CSMD1: variants seen among roughly 807,000 people sequenced by gnomAD.
CSMD1 encodes the protein CUB and sushi domain-containing protein 1.
A neutral mutation model predicts 417.5 loss-of-function variants in CSMD1; 213 were observed. That is an observed-to-expected ratio of 0.51 (90% CI 0.46 to 0.57). The LOEUF (loss-of-function observed/expected upper bound fraction) is 0.57, where lower values mean the gene tolerates loss of function less well. Among genes scored for constraint, CSMD1 ranks in the 20% least tolerant of loss-of-function variants. The probability of loss-of-function intolerance (pLI) is 0.00; values close to 1 mark genes in which losing one functional copy is unlikely to be tolerated. For synonymous variants in CSMD1, 2,862 were observed against 1,736.8 expected, an observed-to-expected ratio of 1.65 and a Z score of -16.11; for missense variants, 6,923 against 4,529.7, an observed-to-expected ratio of 1.53 and a Z score of -15.17.
intron 1 of CSMD1, among the ~76,000 whole-genome samples, chr8:4,835,139 C>T (rs1318660706): frequency 2.0e-5 from 3 of 151,562 alleles, no homozygotes; most frequent in Non-Finnish European, 4.4e-5. Flanking sequence ...AACTCTAGAC[C>T]CAGTGAGCAA....
intron 1 of CSMD1, among the ~76,000 whole-genome samples, chr8:4,867,791 C>T (rs371064937): frequency 5.5e-4 from 84 of 152,132 alleles, no homozygotes; most frequent in South Asian, 2.5e-3. Context: ...TTTGATCCCT[C>T]TAATAAATAC....
intron 44 of CSMD1, among the ~76,000 whole-genome samples, chr8:3,108,193 G>A (rs148458305): frequency 4.4e-4 from 67 of 152,260 alleles, no homozygotes; most frequent in African/African-American, 1.5e-3. Context: ...AGAGATAAGC[G>A]ATTGATTGAC....
At chr8:4,019,991 A>ATTC (rs1796709993) in intron 4 of CSMD1, among the ~76,000 whole-genome samples, 1 of 152,060 alleles carries the variant, frequency 6.6e-6, no homozygotes, top group Non-Finnish European at 1.5e-5. Flanking sequence ...TTTCTTTTCA[A>ATTC]ACTGTTTGCC....
intron 2 of CSMD1, among the ~76,000 whole-genome samples, chr8:4,435,317 A>G (rs888995144): frequency 5.3e-5 from 8 of 152,212 alleles, no homozygotes; most frequent in African/African-American, 1.7e-4. Flanking sequence ...AATGTGACAC[A>G]GGTAAAATGC....
intron 23 of CSMD1, among the ~76,000 whole-genome samples, chr8:3,311,400 CCA>C (rs1432998437): frequency 6.6e-6 from 1 of 152,092 alleles, no homozygotes; most frequent in African/African-American, 2.4e-5. Context: ...TAAGTGCGAG[CCA>C]TCACACCCAG....
intron 9 of CSMD1, among the ~76,000 whole-genome samples, chr8:3,584,246 A>T (rs761364920): frequency 1.3e-5 from 2 of 152,186 alleles, no homozygotes; most frequent in Non-Finnish European, 2.9e-5. Context: ...TGACAAAGCC[A>T]GGCACTCTTT....
intron 5 of CSMD1, among the ~76,000 whole-genome samples, chr8:3,823,258 G>T (rs7840632): frequency 6.6e-6 from 1 of 151,914 alleles, no homozygotes; most frequent in Non-Finnish European, 1.5e-5. Flanking sequence ...GAACTTCAAA[G>T]TAATTCAGTT....
rs573537417 is a variant in CSMD1 at position 3,796,789 on chromosome 8, C to A, written c.819-42747G>T. 6.0e-5 allele frequency among the ~76,000 whole-genome samples: 9 copies of A among 151,228 alleles called. No individual in the cohort carries two copies. The South Asian group carries it at 1.2e-3, about 21-fold the overall frequency. ...TTCTGATCATCATATTCTTGAAATT[C>A]CATTCACTTCATTTTCATGGTATCA... On this transcript the variant is annotated intron_variant, in intron 5 of 69. Coordinates refer to ENST00000635120, the MANE Select transcript of CSMD1 (RefSeq NM_033225.6).
intron 2 of CSMD1, among the ~76,000 whole-genome samples, chr8:4,582,660 A>G (rs563148528): frequency 2.0e-3 from 299 of 152,318 alleles, no homozygotes; most frequent in Non-Finnish European, 3.4e-3. Context: ...AGGTGACAGC[A>G]GGCTGGCAGT....
At chr8:4,971,187 G>C (rs1232502706) in intron 1 of CSMD1, among the ~76,000 whole-genome samples, 4 of 151,922 alleles carry the variant, frequency 2.6e-5, no homozygotes, top group African/African-American at 7.2e-5. Flanking sequence ...CAAAAACAAA[G>C]CATATGCTGA....
At chr8:3,378,539 G>C (rs1461167270) in intron 18 of CSMD1, among the ~76,000 whole-genome samples, 1 of 152,104 alleles carries the variant, frequency 6.6e-6, no homozygotes, top group African/African-American at 2.4e-5. Flanking sequence ...ACATCAAAAA[G>C]CCTATCCACC....
At chr8:4,197,068 G>A (rs1480122388) in intron 3 of CSMD1, among the ~76,000 whole-genome samples, 2 of 152,074 alleles carry the variant, frequency 1.3e-5, no homozygotes, top group African/African-American at 2.4e-5. Flanking sequence ...GAGAGCTTGT[G>A]TTCTATGGGA....
chr8:3,988,600 G>A (rs1585087470), intron 5 of CSMD1, among the ~76,000 whole-genome samples: 3 of 152,306 alleles, frequency 2.0e-5, no homozygotes, highest in South Asian at 4.2e-4. Flanking sequence ...TGAGTCCTGT[G>A]CACATGACAG....
chr8:3,973,840 G>A (rs1043299165), intron 5 of CSMD1, among the ~76,000 whole-genome samples: 7 of 152,102 alleles, frequency 4.6e-5, no homozygotes, highest in African/African-American at 1.7e-4. Context: ...TGTAGTTGCT[G>A]TTTTTTAATT....
intron 18 of CSMD1, among the ~76,000 whole-genome samples, chr8:3,380,647 C>G (rs1056464146): frequency 1.3e-5 from 2 of 152,058 alleles, no homozygotes; most frequent in Non-Finnish European, 2.9e-5. Context: ...GAATACAAAA[C>G]CAAACACCAC....
intron 3 of CSMD1, among the ~76,000 whole-genome samples, chr8:4,068,772 C>A (rs1334580649): frequency 1.3e-5 from 2 of 152,076 alleles, no homozygotes; most frequent in Non-Finnish European, 2.9e-5. Context: ...ATTTTCTGAA[C>A]AGATTAGAAT....
At chr8:4,065,735 T>C (rs942098534) in intron 3 of CSMD1, among the ~76,000 whole-genome samples, 2 of 152,340 alleles carry the variant, frequency 1.3e-5, no homozygotes, top group South Asian at 2.1e-4. Context: ...ACATAGGCTC[T>C]ATCACCAAAC....
chr8:3,811,605 A>G (rs1051628292), intron 5 of CSMD1, among the ~76,000 whole-genome samples: 1 of 152,008 alleles, frequency 6.6e-6, no homozygotes, highest in African/African-American at 2.4e-5. Context: ...ACAGGCACAC[A>G]CTCCTTCAGA....
intron 18 of CSMD1, among the ~76,000 whole-genome samples, chr8:3,370,913 T>G (rs1023999714): frequency 4.6e-5 from 7 of 151,848 alleles, no homozygotes; most frequent in African/African-American, 1.7e-4. Flanking sequence ...GATGCGGAGG[T>G]TGCAGTGAGC....
Sources: allele counts gnomAD v4.1 joint callset (sites outside exome capture counted in the v4.1 genomes callset), GRCh38; gene constraint gnomAD v4.1.1; transcripts MANE v1.5; gene names NCBI Gene and HGNC (gene_info 2026-07-23, HGNC 2026-07-21).